The following CREBBP variants were observed in gnomAD, a reference collection of about 807,000 sequenced individuals.
CREBBP encodes the protein CREB-binding protein.
A neutral mutation model predicts 265.0 loss-of-function variants in CREBBP; 19 were observed. The ratio of observed to expected loss-of-function variants is 0.07; its 90% confidence interval spans 0.05 to 0.11. The LOEUF (loss-of-function observed/expected upper bound fraction) is 0.11, where lower values mean the gene tolerates loss of function less well. Ranked by LOEUF, CREBBP falls within the 10% of genes least tolerant of loss-of-function variation. The probability of loss-of-function intolerance (pLI) is 1.00; values close to 1 mark genes in which losing one functional copy is unlikely to be tolerated. For synonymous variants in CREBBP, 1,457 were observed against 1,223.7 expected, an observed-to-expected ratio of 1.19 and a Z score of -3.98; for missense variants, 2,525 against 3,219.0, an observed-to-expected ratio of 0.78 and a Z score of 5.22.
intron 10 of CREBBP, 90 bp downstream of exon 10, chr16:3,777,921 C>G (rs1279768075): frequency 2.0e-6 from 3 of 1,467,728 alleles, no homozygotes; most frequent in Non-Finnish European, 2.9e-6. Context: ...ATCAGATATT[C>G]TAATTCTCTG....
At chr16:3,834,729 C>A (rs1201012035) in intron 2 of CREBBP, among the ~76,000 whole-genome samples, 5 of 152,126 alleles carry the variant, frequency 3.3e-5, no homozygotes, top group African/African-American at 1.2e-4. Context: ...CTGTACCATT[C>A]TAGACAGCGG....
chr16:3,858,836 A>T (rs1255725859), intron 1 of CREBBP, among the ~76,000 whole-genome samples: 2 of 152,236 alleles, frequency 1.3e-5, no homozygotes, highest in African/African-American at 4.8e-5. Flanking sequence ...CTACAAACTC[A>T]GCATCAATGA....
intron 6 of CREBBP, among the ~76,000 whole-genome samples, chr16:3,781,892 A>G (rs1326141976): frequency 6.6e-6 from 1 of 152,200 alleles, no homozygotes; most frequent in Non-Finnish European, 1.5e-5. Context: ...AGTATTAGTT[A>G]GACATTCATT....
At chr16:3,826,654 T>TA (rs1189603605) in intron 2 of CREBBP, among the ~76,000 whole-genome samples, 1 of 152,062 alleles carries the variant, frequency 6.6e-6, no homozygotes, top group Admixed American at 6.5e-5. Flanking sequence ...CATCCTATAA[T>TA]ACACCTGACT....
intron 3 of CREBBP, among the ~76,000 whole-genome samples, chr16:3,809,508 G>A (rs965157042): frequency 1.3e-5 from 2 of 152,130 alleles, no homozygotes; most frequent in Non-Finnish European, 2.9e-5. Context: ...GTACCATACA[G>A]CAGGGAGCCA....
chr16:3,820,073 G>A (rs1408673316), intron 2 of CREBBP, among the ~76,000 whole-genome samples: 8 of 152,150 alleles, frequency 5.3e-5, no homozygotes, highest in Non-Finnish European at 1.0e-4. Context: ...AAGAGCAAAA[G>A]TTTGCTAAAT....
At chr16:3,822,768 A>G (rs1168659632) in intron 2 of CREBBP, among the ~76,000 whole-genome samples, 1 of 152,254 alleles carries the variant, frequency 6.6e-6, no homozygotes, top group East Asian at 1.9e-4. Flanking sequence ...ACAGAGTCCT[A>G]ACAAAAACAT....
chr16:3,779,067 T>C (rs1393368429), intron 8 of CREBBP, among the ~76,000 whole-genome samples: 1 of 151,284 alleles, frequency 6.6e-6, no homozygotes, highest in Admixed American at 6.6e-5. Flanking sequence ...CTCGGGAGGC[T>C]GAGGCAAGAG....
chr16:3,779,034 G>T (rs1239527135), intron 8 of CREBBP, among the ~76,000 whole-genome samples: 1 of 151,994 alleles, frequency 6.6e-6, no homozygotes, highest in Non-Finnish European at 1.5e-5. Flanking sequence ...GGGCATGGTG[G>T]TGGATGCCTG....
chr16:3,877,657 C>G (rs756316833), intron 1 of CREBBP, among the ~76,000 whole-genome samples: 1 of 152,196 alleles, frequency 6.6e-6, no homozygotes, highest in South Asian at 2.1e-4. Context: ...CACCAGCCTC[C>G]GCCTCCCAAA....
chr16:3,793,467 C>A lies in CREBBP; in HGVS notation c.1135G>T (p.Ala379Ser), dbSNP rs1596947691. ...GTTCGACAATGCGGGAGCGAGCAGG[C>A]CCGAACCTCTCCGTTTGCTTGCTCT... ...RREQANGEVR[A>S]CSLPHCRTMK... The change falls in exon 4 of 31, where the codon GCC (alanine) becomes TCC (serine). Residue 379 changes from alanine to serine, a missense_variant. Physicochemically the swap from Ala to Ser is moderately conservative, Grantham distance 99 (BLOSUM62 1). This residue lies in a region of CREBBP where 126 missense variants were observed against 171.9 expected (regional missense o/e 0.73). Transcript: ENST00000262367. 6.2e-7 allele frequency: 1 copy of A among 1,614,170 alleles called. No individual in the cohort carries two copies. Among genetic ancestry groups the A allele is most frequent in the Non-Finnish European group, 8.5e-7 (1 of 1,180,034 alleles).
At chr16:3,748,316 A>T (rs762317537) in intron 21 of CREBBP, among the ~76,000 whole-genome samples, 2 of 152,126 alleles carry the variant, frequency 1.3e-5, no homozygotes, top group African/African-American at 2.4e-5. Context: ...AGATATAAAT[A>T]ATAATGAAAC....
chr16:3,748,707 C>T (rs778030928), intron 21 of CREBBP, among the ~76,000 whole-genome samples: 1 of 152,192 alleles, frequency 6.6e-6, no homozygotes, highest in Admixed American at 6.5e-5. Context: ...TAGCCAGTAT[C>T]GCCATGCCAA....
In CREBBP at chr16:3,728,218, G is replaced by A. The variant is rs771721926; in HGVS notation, c.6829C>T (p.Pro2277Ser). The A allele has an allele frequency of 5.0e-6, 8 of 1,613,324 alleles. No individual in the cohort carries two copies. In the African/African-American group the frequency reaches 9.3e-5, roughly 19 times the overall value. ...GGGGTGCTGTCTGCCCCCAGCCCCG[G>A]CTGCCCCATCTGGCCAAGCTGTCCC... is the stretch of plus-strand genomic sequence containing the variant. ...QMGQLGQMGQ[P>S]GLGADSTPNI... Residue 2277 changes from proline (P) to serine (S), a missense_variant, in exon 31 of 31, where the codon CCG (proline) becomes TCG (serine). Physicochemically the swap from Pro to Ser is moderately conservative, Grantham distance 74. Transcript: ENST00000262367. The surrounding 1 kb of genome is among the most constrained non-coding windows in gnomAD (Gnocchi z 8.7).
intron 23 of CREBBP, chr16:3,742,793 G>A (rs943398050): frequency 3.3e-5 from 5 of 151,998 alleles, no homozygotes; most frequent in Admixed American, 3.3e-4. Context: ...GCTACCTCTA[G>A]TCTCCTAGGC....
At chr16:3,780,427 A>G (rs2053246535) in intron 8 of CREBBP, among the ~76,000 whole-genome samples, 1 of 152,160 alleles carries the variant, frequency 6.6e-6, no homozygotes, top group South Asian at 2.1e-4. Flanking sequence ...ACGCAGCCTA[A>G]AGTGCAGAAG....
At chr16:3,761,830 T>G (rs1400936498) in intron 16 of CREBBP, among the ~76,000 whole-genome samples, 1 of 152,242 alleles carries the variant, frequency 6.6e-6, no homozygotes, top group East Asian at 1.9e-4. Context: ...GAAGCAGCAT[T>G]TGCTAGTCTT....
chr16:3,879,173 T>A (rs1297944913), intron 1 of CREBBP, among the ~76,000 whole-genome samples: 1 of 152,148 alleles, frequency 6.6e-6, no homozygotes, highest in African/African-American at 2.4e-5. Flanking sequence ...CATGACATCT[T>A]GCTAACGAAG....
intron 28 of CREBBP, among the ~76,000 whole-genome samples, chr16:3,734,830 T>C (rs2052009854): frequency 6.6e-6 from 1 of 152,144 alleles, no homozygotes; most frequent in African/African-American, 2.4e-5. Context: ...CTACAGCCCA[T>C]CCGGCACCCA....
Sources: gnomAD v4.1 joint callset for allele counts (sites outside exome capture counted in the v4.1 genomes callset) on GRCh38, gnomAD v4.1.1 for gene constraint, gnomAD v4.1.1 regional missense constraint, Gnocchi (gnomAD v3.1) non-coding constraint, MANE v1.5 for transcripts, NCBI Gene and HGNC (gene_info 2026-07-23, HGNC 2026-07-21) for gene names.